The following ZC4H2 variants were observed in gnomAD, a reference collection of about 807,000 sequenced individuals.
The protein encoded by ZC4H2 is zinc finger C4H2-type containing.
For missense variants in ZC4H2, 137 were observed against 173.9 expected, an observed-to-expected ratio of 0.79 and a Z score of 1.19; for synonymous variants, 84 against 66.3, an observed-to-expected ratio of 1.27 and a Z score of -1.30.
At chrX:65,005,245 T>G (rs1932632124) in intron 1 of ZC4H2, among the ~76,000 whole-genome samples, 1 of 111,532 alleles carries the variant, frequency 9.0e-6, no homozygotes, top group Admixed American at 9.5e-5. Flanking sequence ...AAATTTCATA[T>G]GGAACCAAAA....
chrX:64,936,108 A>T (rs1299136538), intron 1 of ZC4H2, among the ~76,000 whole-genome samples: 1 of 109,816 alleles, frequency 9.1e-6, no homozygotes, highest in Non-Finnish European at 1.9e-5. Context: ...ACCATGGCAC[A>T]AGAACTTCGT....
At chrX:65,006,834 TA>T (rs1362773982) in intron 1 of ZC4H2, among the ~76,000 whole-genome samples, 2 of 112,416 alleles carry the variant, frequency 1.8e-5, no homozygotes, top group African/African-American at 6.5e-5. Flanking sequence ...TTTTAAACAT[TA>T]AAAGTAGACA....
At chrX:64,946,458 C>A (rs1021451135) in intron 1 of ZC4H2, among the ~76,000 whole-genome samples, 3 of 109,918 alleles carry the variant, frequency 2.7e-5, no homozygotes, top group African/African-American at 1.0e-4. Flanking sequence ...CGAGAGGAAC[C>A]GGGTACCTCA....
chrX:64,978,345 T>C (rs754216394), upstream of ZC4H2, among the ~76,000 whole-genome samples: 1 of 112,307 alleles, frequency 8.9e-6, no homozygotes, highest in East Asian at 2.8e-4. Flanking sequence ...CTCCCTGGTG[T>C]CTACATTTTC....
intron 2 of ZC4H2, among the ~76,000 whole-genome samples, 157 bp from the exon 3 acceptor site, chrX:64,920,410 T>C (rs1179876662): frequency 3.6e-5 from 4 of 111,908 alleles, no homozygotes; most frequent in Non-Finnish European, 7.5e-5. Flanking sequence ...TGGTCAAGTC[T>C]CAGTTTCTTC....
chrX:65,004,830 C>T (rs1013829516), intron 1 of ZC4H2, among the ~76,000 whole-genome samples: 18 of 111,646 alleles, frequency 1.6e-4, no homozygotes, highest in African/African-American at 4.9e-4. Context: ...ATTTAGAAAA[C>T]CCCATCATCT....
intron 1 of ZC4H2, among the ~76,000 whole-genome samples, chrX:64,922,685 A>T (rs1929259149): frequency 8.9e-6 from 1 of 111,923 alleles, no homozygotes; most frequent in African/African-American, 3.3e-5. Flanking sequence ...CTCTTGAGAA[A>T]CTCTAAGTAA....
intron 1 of ZC4H2, among the ~76,000 whole-genome samples, chrX:64,962,003 C>A (rs887025947): frequency 9.0e-6 from 1 of 111,268 alleles, no homozygotes; most frequent in Admixed American, 9.6e-5. Context: ...AGAGTTAATG[C>A]CAATCCTTTT....
intron 1 of ZC4H2, among the ~76,000 whole-genome samples, chrX:65,020,110 T>C (rs1602458211): frequency 2.7e-5 from 3 of 111,945 alleles, no homozygotes; most frequent in Non-Finnish European, 5.6e-5. Context: ...TGGAAAACAC[T>C]CTGCAGGATA....
intron 1 of ZC4H2, among the ~76,000 whole-genome samples, chrX:65,033,741 G>T (rs1396639322): frequency 8.9e-6 from 1 of 111,733 alleles, no homozygotes; most frequent in Non-Finnish European, 1.9e-5. Context: ...TACTCTATAG[G>T]TATTATAATT....
intron 1 of ZC4H2, among the ~76,000 whole-genome samples, chrX:64,930,107 C>CTTA (rs777552998): frequency 9.1e-6 from 1 of 110,344 alleles, no homozygotes; most frequent in African/African-American, 3.3e-5. Context: ...TTCTAAATAT[C>CTTA]TTATTATTAT....
At chrX:64,991,755 A>C (rs1204849453) in intron 1 of ZC4H2, among the ~76,000 whole-genome samples, 3 of 112,207 alleles carry the variant, frequency 2.7e-5, no homozygotes, top group Non-Finnish European at 5.6e-5. Flanking sequence ...TTAAGAGCCC[A>C]AAAAGTAGAA....
At chrX:65,010,746 C>A (rs1017269047) in intron 1 of ZC4H2, among the ~76,000 whole-genome samples, 2 of 111,787 alleles carry the variant, frequency 1.8e-5, no homozygotes, top group African/African-American at 6.5e-5. Context: ...CCACATGTTC[C>A]TTTATTGACA....
At chrX:65,027,187 T>A (rs1242033712) in intron 1 of ZC4H2, among the ~76,000 whole-genome samples, 2 of 111,719 alleles carry the variant, frequency 1.8e-5, no homozygotes, top group African/African-American at 6.5e-5. Flanking sequence ...GAGCATGAAG[T>A]AGAATGTAGA....
At chrX:64,923,747 A>G (rs1276756736) in intron 1 of ZC4H2, among the ~76,000 whole-genome samples, 1 of 108,513 alleles carries the variant, frequency 9.2e-6, no homozygotes, top group Non-Finnish European at 1.9e-5. Flanking sequence ...TTTGTAGAGA[A>G]GGGAATTGAG....
intron 1 of ZC4H2, among the ~76,000 whole-genome samples, chrX:64,940,184 T>C (rs900938556): frequency 8.9e-6 from 1 of 112,171 alleles, no homozygotes; most frequent in Admixed American, 9.5e-5. Context: ...TCTTCATATG[T>C]TTGTTGGCCA....
At chrX:64,998,415 A>C (rs1245855889) in intron 1 of ZC4H2, among the ~76,000 whole-genome samples, 2 of 112,237 alleles carry the variant, frequency 1.8e-5, no homozygotes, top group Non-Finnish European at 3.8e-5. Flanking sequence ...ATAAGAGAAA[A>C]ACTAGGATAT....
At chrX:64,983,549 A>G (rs1429698979) in intron 1 of ZC4H2, among the ~76,000 whole-genome samples, 1 of 111,826 alleles carries the variant, frequency 8.9e-6, no homozygotes, top group Non-Finnish European at 1.9e-5. Context: ...TAACAAATTT[A>G]TACATCTGAC....
chrX:64,970,791 C>T (rs182935414), intron 1 of ZC4H2, among the ~76,000 whole-genome samples: 117 of 111,459 alleles, frequency 1.0e-3, no homozygotes, highest in African/African-American at 3.4e-3. Context: ...TCTGGTGGAA[C>T]GGAAATATAT....
Sources: gnomAD v4.1 joint callset for allele counts (sites outside exome capture counted in the v4.1 genomes callset) on GRCh38, gnomAD v4.1.1 for gene constraint, MANE v1.5 for transcripts, NCBI Gene and HGNC (gene_info 2026-07-23, HGNC 2026-07-21) for gene names.